The following PRRT1B variants were observed in gnomAD, a reference collection of about 807,000 sequenced individuals.
PRRT1B encodes the protein proline rich transmembrane protein 1B.
chr9:131,549,628 A>G (rs1332344928), intron 1 of PRRT1B, among the ~76,000 whole-genome samples: 1 of 152,126 alleles, frequency 6.6e-6, no homozygotes, highest in East Asian at 1.9e-4. Flanking sequence ...TAACTCTCAC[A>G]GTGGAGGGTA....
At chr9:131,546,575 C>T (rs1950976739) in intron 1 of PRRT1B, among the ~76,000 whole-genome samples, 2 of 151,848 alleles carry the variant, frequency 1.3e-5, no homozygotes, top group South Asian at 2.1e-4. Context: ...GCGCACCAGT[C>T]CCATCTGCAA....
At position 131,551,930 on chromosome 9, in the gene PRRT1B, C is replaced by T. The variant is rs935259556; in HGVS notation, c.26-2627C>T. On this transcript the variant is annotated intron_variant, in intron 1 of 3. Coordinates refer to ENST00000636672, the Ensembl canonical transcript of PRRT1B. The surrounding 1 kb of genome is among the most constrained non-coding windows in gnomAD (Gnocchi z 4.4). ...GTTTGGTGGTCTCTTCACACGGACACGAGTGAAACCCGCCACCACACCTGG... is the reference window on the plus strand; with the variant it reads ...GTTTGGTGGTCTCTTCACACGGACATGAGTGAAACCCGCCACCACACCTGG... Among the ~76,000 whole-genome samples the T allele has an allele frequency of 2.6e-5, 4 of 152,116 alleles. No individual in the cohort carries two copies. Among genetic ancestry groups the T allele is most frequent in the African/African-American group, 4.8e-5 (2 of 41,424 alleles).
intron 1 of PRRT1B, among the ~76,000 whole-genome samples, chr9:131,550,526 G>A (rs1373477400): frequency 6.6e-6 from 1 of 152,072 alleles, no homozygotes; most frequent in Admixed American, 6.5e-5. Context: ...GAAAACACAC[G>A]TGCTCTCTCC....
chr9:131,546,538 G>A (rs375153781), intron 1 of PRRT1B, among the ~76,000 whole-genome samples: 1 of 150,856 alleles, frequency 6.6e-6, no homozygotes, highest in African/African-American at 2.4e-5. Context: ...CCCCCAGCGC[G>A]ACTGATCTTG....
chr9:131,547,024 C>T (rs898383487), intron 1 of PRRT1B, among the ~76,000 whole-genome samples: 2 of 146,742 alleles, frequency 1.4e-5, no homozygotes, highest in Non-Finnish European at 3.0e-5. Flanking sequence ...ACGCGGGTTA[C>T]GAAGCAAAAG....
intron 2 of PRRT1B, among the ~76,000 whole-genome samples, chr9:131,555,550 C>T (rs995975690): frequency 1.9e-4 from 29 of 152,086 alleles, no homozygotes; most frequent in Non-Finnish European, 5.9e-5. Context: ...GTAGTGCGCG[C>T]CTGTAGCCCC....
At position 131,549,394 on chromosome 9, in the gene PRRT1B, C is replaced by T. The variant is rs144383970; in HGVS notation, c.25+3754C>T. On this transcript the variant is annotated intron_variant, in intron 1 of 3. Coordinates refer to ENST00000636672, the Ensembl canonical transcript of PRRT1B. ...AATCTGGCCACTGGGCCGAGGAATG[C>T]CCCCAGCCCGGGATTCCTCCTAAGC... Among the ~76,000 whole-genome samples the T allele has an allele frequency of 4.5e-3, 679 of 151,504 alleles. 6 individuals are homozygous for T. The highest frequency in any genetic ancestry group is 0.015 in the African/African-American group (632 of 40,884).
At position 131,551,434 on chromosome 9, in the gene PRRT1B, A is replaced by G. The variant is rs894951400; in HGVS notation, c.26-3123A>G. ...GAAGCAGCCCTGAGAAACATCGCCCATTATCTCTCCATACCACCCCCAAAA... is the reference window on the plus strand; with the variant it reads ...GAAGCAGCCCTGAGAAACATCGCCCGTTATCTCTCCATACCACCCCCAAAA... On this transcript the variant is annotated intron_variant, in intron 1 of 3. Transcript: ENST00000636672. The surrounding 1 kb of genome is among the most constrained non-coding windows in gnomAD (Gnocchi z 4.4). Among the ~76,000 whole-genome samples, 1 of 152,040 alleles carries G rather than the reference A, an allele frequency of 6.6e-6. No individual in the cohort carries two copies. The highest frequency in any genetic ancestry group is 1.5e-5 in the Non-Finnish European group (1 of 68,010).
chr9:131,547,988 T>C (rs1270986832), intron 1 of PRRT1B, among the ~76,000 whole-genome samples: 1 of 152,218 alleles, frequency 6.6e-6, no homozygotes, highest in Non-Finnish European at 1.5e-5. Context: ...TGTTTAATCA[T>C]TGCGGGGACT....
chr9:131,552,012 G>A (rs1951015472), intron 1 of PRRT1B, among the ~76,000 whole-genome samples: 1 of 152,100 alleles, frequency 6.6e-6, no homozygotes, highest in Non-Finnish European at 1.5e-5. Flanking sequence ...AGGCTGGTCT[G>A]GAACTCCTGA....
intron 1 of PRRT1B, among the ~76,000 whole-genome samples, chr9:131,547,233 A>G (rs933369947): frequency 1.3e-5 from 2 of 152,052 alleles, no homozygotes; most frequent in Non-Finnish European, 2.9e-5. Flanking sequence ...TCCGAGCCAA[A>G]GCTAAGCCAT....
chr9:131,559,169 C>T (rs750263594), downstream of PRRT1B, among the ~76,000 whole-genome samples: 35 of 152,306 alleles, frequency 2.3e-4, 1 homozygote, highest in African/African-American at 7.5e-4. Context: ...AGAGGCCAGG[C>T]GAGGTGGCTC....
chr9:131,555,838 A>AGGACTGAGGGCTCAGTG (rs545312284), intron 2 of PRRT1B, among the ~76,000 whole-genome samples: 1 of 152,322 alleles, frequency 6.6e-6, no homozygotes, highest in Non-Finnish European at 1.5e-5. Flanking sequence ...GGTAGAGGGC[A>AGGACTGAGGGCTCAGTG]GGACTGAGGG....
chr9:131,554,654 G>A lies in PRRT1B; in HGVS notation c.123G>A (p.Gln41=), dbSNP rs189513204. 9.8e-3 allele frequency: 3,838 copies of A among 391,296 alleles called. 55 individuals are homozygous for A. The highest frequency in any genetic ancestry group is 0.045 in the East Asian group (1,234 of 27,560). The allele number at this position is 391,296 out of a possible 1,614,324, so 24.2% of individuals were successfully genotyped here. The change falls in exon 2 of 4, where the codon CAG becomes CAA. Residue 41 remains glutamine (Q), a synonymous_variant. Coordinates refer to ENST00000636672, the Ensembl canonical transcript of PRRT1B. ...CCGAGGATCCCCAGATGCCCGCGCA[G>A]CCCGCGCTCCCGCAGCTCCCGCGCC...
downstream of PRRT1B, among the ~76,000 whole-genome samples, chr9:131,559,314 G>A (rs956523980): frequency 9.2e-5 from 14 of 152,312 alleles, no homozygotes; most frequent in East Asian, 5.8e-4. Flanking sequence ...GTAGTGGCAG[G>A]CGCCTGTAAT....
At chr9:131,554,594 C>T (rs923987375) in exon 2 of PRRT1B, 4 of 396,120 alleles carry the variant, frequency 1.0e-5, no homozygotes, top group African/African-American at 2.1e-5. Context: ...CCGCCACCCC[C>T]GAGGACCCCC....
chr9:131,552,069 C>T (rs149065827), intron 1 of PRRT1B, among the ~76,000 whole-genome samples: 193 of 152,178 alleles, frequency 1.3e-3, no homozygotes, highest in African/African-American at 3.3e-3. Context: ...CTGGGATTAC[C>T]GGAGTGAGCC....
At chr9:131,546,321 C>G (rs1240543769) in intron 1 of PRRT1B, among the ~76,000 whole-genome samples, 1 of 152,154 alleles carries the variant, frequency 6.6e-6, no homozygotes, top group Admixed American at 6.5e-5. Flanking sequence ...GGGGGCAGAG[C>G]TGGAGAGAGG....
downstream of PRRT1B, chr9:131,558,742 C>G (rs1951066706): frequency 6.6e-6 from 1 of 152,456 alleles, no homozygotes; most frequent in South Asian, 2.1e-4. Flanking sequence ...TCCCAGGAGA[C>G]AGGGTCCCTC....
Sources: gnomAD v4.1 joint callset for allele counts (sites outside exome capture counted in the v4.1 genomes callset) on GRCh38, gnomAD v4.1.1 for gene constraint, Gnocchi (gnomAD v3.1) non-coding constraint, MANE v1.5 for transcripts, NCBI Gene and HGNC (gene_info 2026-07-23, HGNC 2026-07-21) for gene names.